The following ABCB9 variants were observed in gnomAD, a reference collection of about 807,000 sequenced individuals.
ABCB9 encodes the protein ABC-type oligopeptide transporter ABCB9.
ABCB9 carries 36 observed loss-of-function variants against 62.0 expected under a neutral mutation model. The ratio of observed to expected loss-of-function variants is 0.58; its 90% CI spans 0.45 to 0.77. ABCB9 has a LOEUF of 0.77. ABCB9 is among the 30% of genes least tolerant of loss of function. ABCB9 has a pLI of 0.00. For missense variants in ABCB9, 943 were observed against 1,054.7 expected (o/e 0.89, Z 1.47); for synonymous variants, 435 against 461.4 (o/e 0.94, Z 0.73).
chr12:122,960,319 A>T lies in ABCB9; in HGVS notation c.-84T>A. Reference sequence around the variant, plus strand: ...CCATCATCATCCACAGGGCGAGGCCAGGCCTGTAGGGACAACAGCAAACAT... The same window carrying T: ...CCATCATCATCCACAGGGCGAGGCCTGGCCTGTAGGGACAACAGCAAACAT... On this transcript the variant is annotated 5_prime_UTR_variant, in exon 2 of 12. Transcript: ENST00000280560. 6.6e-7 allele frequency: 1 copy of T among 1,506,538 alleles called. No homozygotes were observed. The highest frequency in any genetic ancestry group is 2.1e-5 in the Admixed American group (1 of 47,968). 93.3% of individuals were successfully genotyped at this position (1,506,538 alleles called of 1,614,324 possible).
rs951173666 is a variant in ABCB9 at position 122,930,900 on chromosome 12, T to C, written c.2041-729A>G. On this transcript the variant is annotated intron_variant, in intron 11 of 11. Transcript: ENST00000280560. The surrounding 1 kb of genome is among the most constrained non-coding windows in gnomAD (Gnocchi z 4.9). ...AGGTTGCTAGCCATCTGCAAATACA[T>C]GACTGGGCCCACCTGACCAGTGAGA... Among the ~76,000 whole-genome samples the C allele has an allele frequency of 1.3e-5, 2 of 152,178 alleles. No individual in the cohort carries two copies. The highest frequency in any genetic ancestry group is 2.9e-5 in the Non-Finnish European group (2 of 68,026).
In ABCB9 at chr12:122,948,840, C is replaced by T. The variant is rs532819904; in HGVS notation, c.848-11G>A. 50 of 1,536,044 alleles carry T rather than the reference C, an allele frequency of 3.3e-5. No homozygotes were observed. The South Asian group carries it at 3.8e-4, about 12-fold the overall frequency. On this transcript the variant is annotated splice_polypyrimidine_tract_variant and intron_variant, in intron 4 of 11. Transcript: ENST00000280560. ...GGGAGATGAGGTCCCCTGGAACACA[C>T]GCGGCTCAGCTCTCACCACAGCAAC... is the stretch of plus-strand genomic sequence containing the variant.
rs2035029813 is a variant in ABCB9, at chr12:122,929,582, T to A, written c.*329A>T. ...GCCATTACTCCCAATTAGAAAAAGGTTTTTGAAATCTAGGAGTTGACTGGG... is the reference window on the plus strand; with the variant it reads ...GCCATTACTCCCAATTAGAAAAAGGATTTTGAAATCTAGGAGTTGACTGGG... On this transcript the variant is annotated 3_prime_UTR_variant, in exon 12 of 12. Coordinates refer to ENST00000280560, the MANE Select transcript of ABCB9 (RefSeq NM_019625.4). This position sits in a 1 kb window ranked among gnomAD's most constrained non-coding sequence, Gnocchi z 6.0. 8.8e-7 allele frequency: 1 copy of A among 1,131,968 alleles called. No individual in the cohort carries two copies. Among genetic ancestry groups the A allele is most frequent in the Non-Finnish European group, 1.1e-6 (1 of 924,802 alleles). 70.1% of individuals were successfully genotyped at this position (1,131,968 alleles called of 1,614,324 possible).
intron 1 of ABCB9, among the ~76,000 whole-genome samples, chr12:122,962,189 C>T (rs1335702458): frequency 1.3e-5 from 2 of 152,170 alleles, no homozygotes; most frequent in Admixed American, 6.5e-5. Flanking sequence ...CCCCCAGAGC[C>T]GCAGGGACAC....
chr12:122,930,563 C>G lies in ABCB9; in HGVS notation c.2041-392G>C, dbSNP rs186989067. On this transcript the variant is annotated intron_variant, in intron 11 of 11. Coordinates refer to ENST00000280560, the MANE Select transcript of ABCB9 (RefSeq NM_019625.4). The surrounding 1 kb of genome is among the most constrained non-coding windows in gnomAD (Gnocchi z 4.9). ...GCTAGGGGATTACAGGTGCCCGCCA[C>G]CATACCCAGCTAATTTTTGTATTTT... 1.3e-5 allele frequency among the ~76,000 whole-genome samples: 2 copies of G among 152,184 alleles called. No individual in the cohort carries two copies. Among genetic ancestry groups the G allele is most frequent in the Admixed American group, 1.3e-4 (2 of 15,268 alleles).
At position 122,940,905 on chromosome 12, in the gene ABCB9, G is replaced by T. The variant is rs756398560; in HGVS notation, c.1471C>A (p.His491Asn). Residue 491 changes from histidine to asparagine, a missense_variant, in exon 8 of 12, where the codon CAC becomes AAC. By Grantham distance (68) the His-to-Asn change is moderately conservative (BLOSUM62 1). Coordinates refer to ENST00000280560, the MANE Select transcript of ABCB9 (RefSeq NM_019625.4). This position sits in a 1 kb window ranked among gnomAD's most constrained non-coding sequence, Gnocchi z 4.8. ...EFIDRQPTMV[H>N]DGSLAPDHLE... Reference sequence around the variant, plus strand: ...TGGTCGGGGGCCAAGCTGCCATCGTGCACCATGGTCGGCTGCCGGTCGATG... The same window carrying T: ...TGGTCGGGGGCCAAGCTGCCATCGTTCACCATGGTCGGCTGCCGGTCGATG... The T allele has an allele frequency of 1.2e-6, 2 of 1,612,364 alleles. No homozygotes were observed. The highest frequency in any genetic ancestry group is 8.5e-7 in the Non-Finnish European group (1 of 1,179,374).
upstream of ABCB9, among the ~76,000 whole-genome samples, chr12:122,968,462 G>A (rs1302907563): frequency 1.3e-5 from 2 of 152,134 alleles, no homozygotes; most frequent in Non-Finnish European, 2.9e-5. Flanking sequence ...AGGAGAGATG[G>A]GATGACTGAA....
At chr12:122,939,066 G>T (rs550451837) in intron 9 of ABCB9, among the ~76,000 whole-genome samples, 1 of 151,942 alleles carries the variant, frequency 6.6e-6, no homozygotes. Flanking sequence ...CAGCTACTAG[G>T]GGGGCTGAGA....
At position 122,929,820 on chromosome 12, in the gene ABCB9, G is replaced by C; in HGVS notation, c.*91C>G. ...GGTCGTCTTTCAGTGCTGCAGGCCT[G>C]GGCTCGGAGGGCAGCTGGGGGCCTC... is the stretch of plus-strand genomic sequence containing the variant. On this transcript the variant is annotated 3_prime_UTR_variant, in exon 12 of 12. Coordinates refer to ENST00000280560, the MANE Select transcript of ABCB9 (RefSeq NM_019625.4). This position sits in a 1 kb window ranked among gnomAD's most constrained non-coding sequence, Gnocchi z 6.0. 6.9e-7 allele frequency: 1 copy of C among 1,441,732 alleles called. No homozygotes were observed. Among genetic ancestry groups the C allele is most frequent in the East Asian group, 2.4e-5 (1 of 41,432 alleles). The allele number at this position is 1,441,732 out of a possible 1,614,324, so 89.3% of individuals were successfully genotyped here.
chr12:122,924,498 G>C (rs2034834695), downstream of ABCB9: 1 of 827,252 alleles, frequency 1.2e-6, no homozygotes, highest in African/African-American at 1.8e-5. Context: ...CCGAGTAGCT[G>C]GAATTACAGA....
intron 7 of ABCB9, among the ~76,000 whole-genome samples, chr12:122,942,320 G>A (rs1402341037): frequency 6.6e-6 from 1 of 151,938 alleles, no homozygotes; most frequent in Non-Finnish European, 1.5e-5. Flanking sequence ...GGGCACAGTG[G>A]CTCACACCTG....
At chr12:122,945,723 C>CAAA (rs1426916278) in intron 6 of ABCB9, among the ~76,000 whole-genome samples, 6 of 151,926 alleles carry the variant, frequency 3.9e-5, no homozygotes, top group Non-Finnish European at 8.8e-5. Flanking sequence ...ACCAAAAATA[C>CAAA]AAAAATTAGC....
chr12:122,953,827 C>T (rs1294403042), intron 2 of ABCB9, among the ~76,000 whole-genome samples: 1 of 152,004 alleles, frequency 6.6e-6, no homozygotes, highest in Non-Finnish European at 1.5e-5. Flanking sequence ...CAGCCACTTA[C>T]CCCAGATATC....
In ABCB9 at chr12:122,965,178, G is replaced by C. The variant is rs531661134; in HGVS notation, c.-88+1109C>G. On this transcript the variant is annotated intron_variant, in intron 1 of 11. Coordinates refer to ENST00000280560, the MANE Select transcript of ABCB9 (RefSeq NM_019625.4). ...GGAGACAGAAGAGGTTAAGTGACACGCAGAAAAAGGACGAAGGCAGGATGG... is the reference window on the plus strand; with the variant it reads ...GGAGACAGAAGAGGTTAAGTGACACCCAGAAAAAGGACGAAGGCAGGATGG... 2.0e-5 allele frequency among the ~76,000 whole-genome samples: 3 copies of C among 152,260 alleles called. No homozygotes were observed. The East Asian group carries it at 5.8e-4, about 29-fold the overall frequency.
At chr12:122,924,838 C>T, downstream of ABCB9, 1 of 1,533,836 alleles carries the variant, frequency 6.5e-7, no homozygotes, top group East Asian at 2.4e-5. Context: ...AGGACAGTGA[C>T]ATTTGCTAAA....
chr12:122,921,744 T>C (rs2034753188), intron 11 of ABCB9, among the ~76,000 whole-genome samples: 1 of 152,158 alleles, frequency 6.6e-6, no homozygotes. Flanking sequence ...GCCACTGCAC[T>C]CTACCCTGGG....
intron 11 of ABCB9, among the ~76,000 whole-genome samples, chr12:122,921,883 T>C (rs546807897): frequency 6.6e-6 from 1 of 152,326 alleles, no homozygotes; most frequent in East Asian, 1.9e-4. Context: ...ACAGCTTCCT[T>C]ACCTGGGGCC....
exon 1 of ABCB9, chr12:122,974,915 G>C (rs1423139040): frequency 4.7e-6 from 1 of 211,764 alleles, no homozygotes; most frequent in Non-Finnish European, 9.4e-6. Context: ...AGACGGCGGG[G>C]GGTGGGTCGG....
Position 122,944,218 on chromosome 12 carries a change from C to T in ABCB9, c.1380+173G>A, listed in dbSNP as rs1004864609. On this transcript the variant is annotated intron_variant, in intron 7 of 11. Coordinates refer to ENST00000280560, the MANE Select transcript of ABCB9 (RefSeq NM_019625.4). The surrounding 1 kb of genome is among the most constrained non-coding windows in gnomAD (Gnocchi z 4.9). ...TTCTGGGATTATAGGCGTGAGCCAC[C>T]ACGCCCTGCCTAGTATTATCATTCT... Among the ~76,000 whole-genome samples, 1 of 152,142 alleles carries T rather than the reference C, an allele frequency of 6.6e-6. No homozygotes were observed. The highest frequency in any genetic ancestry group is 1.5e-5 in the Non-Finnish European group (1 of 68,036).
Sources: allele counts gnomAD v4.1 joint callset (sites outside exome capture counted in the v4.1 genomes callset), GRCh38; gene constraint gnomAD v4.1.1; non-coding constraint Gnocchi (gnomAD v3.1); transcripts MANE v1.5; gene names NCBI Gene and HGNC (gene_info 2026-07-23, HGNC 2026-07-21).